Variants in TADA3 observed in about 807,000 individuals in gnomAD.
The protein encoded by TADA3 is transcriptional adaptor 3, also known as transcriptional adapter 3.
Under a neutral mutation model 43.2 loss-of-function variants are expected in TADA3, and 25 were observed. That is an observed-to-expected ratio of 0.58 (90% CI 0.42 to 0.81). The LOEUF (loss-of-function observed/expected upper bound fraction) is 0.81, where lower values mean the gene tolerates loss of function less well. TADA3 is among the 30% of genes least tolerant of loss of function. TADA3 has a pLI of 0.00. For missense variants in TADA3, 441 were observed against 567.8 expected (o/e 0.78, Z 2.27); for synonymous variants, 235 against 225.5 (o/e 1.04, Z -0.38).
At chr3:9,781,833 C>CTTTTTTTTTTTTTTTTT (rs35246642) in intron 8 of TADA3, among the ~76,000 whole-genome samples, 1 of 86,870 alleles carries the variant, frequency 1.2e-5, no homozygotes, top group Non-Finnish European at 2.1e-5. Context: ...CCCATTACTT[C>CTTTTTTTTTTTTTTTTT]TTTTTTTTTT....
chr3:9,792,514 A>AGTCAGCGAGGGCGAGCC, upstream of TADA3: 1 of 1,216,248 alleles, frequency 8.2e-7, no homozygotes, highest in Non-Finnish European at 1.0e-6. Flanking sequence ...GGGGGCGGGG[A>AGTCAGCGAGGGCGAGCC]GTCAGCGAGG....
At chr3:9,791,199 G>T in intron 2 of TADA3, 61 bp downstream of exon 2, 1 of 1,528,222 alleles carries the variant, frequency 6.5e-7, no homozygotes, top group South Asian at 1.2e-5. Flanking sequence ...CTAACTCAAT[G>T]ACCCATCCCA....
At chr3:9,788,190 T>C (rs1403481010) in intron 4 of TADA3, 1 of 155,376 alleles carries the variant, frequency 6.4e-6, no homozygotes, top group South Asian at 1.9e-4. Flanking sequence ...CTGTATTTTC[T>C]AAATTTTCTT....
chr3:9,792,368 G>A lies in TADA3; in HGVS notation c.-180C>T, dbSNP rs1013205168. The A allele has an allele frequency of 1.8e-5, 9 of 507,934 alleles. No homozygotes were observed. Among genetic ancestry groups the A allele is most frequent in the Non-Finnish European group, 2.1e-5 (8 of 385,590 alleles). The allele number at this position is 507,934 out of a possible 1,614,324, so 31.5% of individuals were successfully genotyped here. On this transcript the variant is annotated 5_prime_UTR_variant, in exon 1 of 9. Coordinates refer to ENST00000301964, the MANE Select transcript of TADA3 (RefSeq NM_006354.5). ...GTCCTCGTTCTCTAGGGACACCCTAGTGCGACCCCCGCCCCCTCTACCTCC... is the reference window on the plus strand; with the variant it reads ...GTCCTCGTTCTCTAGGGACACCCTAATGCGACCCCCGCCCCCTCTACCTCC...
At chr3:9,784,968 T>TATA (rs1315238134) in intron 7 of TADA3, among the ~76,000 whole-genome samples, 1 of 152,242 alleles carries the variant, frequency 6.6e-6, no homozygotes, top group African/African-American at 2.4e-5. Flanking sequence ...CTTGTCACTC[T>TATA]ATAATTTACA....
At position 9,787,234 on chromosome 3, in the gene TADA3, C is replaced by G. The variant is rs750851337; in HGVS notation, c.671G>C (p.Gly224Ala). The change falls in exon 5 of 9, where the codon GGC becomes GCC. Residue 224 changes from glycine to alanine, a missense_variant. Coordinates refer to ENST00000301964, the MANE Select transcript of TADA3 (RefSeq NM_006354.5). Reference protein sequence around the residue: ...RAAAVADKKKGLMGPLTELDT... With the variant: ...RAAAVADKKKALMGPLTELDT... The stretch of plus-strand genomic sequence containing the variant: ...CAGTTCGGTCAGTGGCCCCATGAGG[C>G]CTTTCTTCTTGTCAGCCACAGCCGC... 2 of 1,614,194 alleles carry G rather than the reference C, an allele frequency of 1.2e-6. No homozygotes were observed. The highest frequency in any genetic ancestry group is 3.3e-5 in the Admixed American group (2 of 60,032).
Position 9,789,566 on chromosome 3 carries a change from C to T in TADA3, c.507G>A (p.Glu169=). 1.2e-6 allele frequency: 2 copies of T among 1,614,180 alleles called. No individual in the cohort carries two copies. The highest frequency in any genetic ancestry group is 1.1e-5 in the South Asian group (1 of 91,084). Reference sequence around the variant, plus strand: ...TCAGTAACTCCTCAAGTGTGCGGACCTCCTCGCTGGTGATGTCAGCACAGT... The same window carrying T: ...TCAGTAACTCCTCAAGTGTGCGGACTTCCTCGCTGGTGATGTCAGCACAGT... ...EPYCADITSE[E]VRTLEELLKP... Residue 169 remains glutamate, a synonymous_variant, in exon 4 of 9, where the codon GAG becomes GAA. Transcript: ENST00000301964.
In TADA3 at chr3:9,791,265, T is replaced by C; in HGVS notation, c.202A>G (p.Thr68Ala). 1 of 1,611,532 alleles carries C rather than the reference T, an allele frequency of 6.2e-7. No individual in the cohort carries two copies. Among genetic ancestry groups the C allele is most frequent in the East Asian group, 2.2e-5 (1 of 44,884 alleles). The change falls in exon 2 of 9, where the codon ACC (threonine) becomes GCC (alanine). Residue 68 changes from threonine (T) to alanine (A), a missense_variant. Physicochemically the swap from Thr to Ala is moderately conservative, Grantham distance 58 (BLOSUM62 0). Transcript: ENST00000301964. The part of the protein sequence containing the change: ...SRRLRVLEAE[T>A]QILTDWQDKK... ...CCCCTCTCTGGGGTTATCACCTGGGTTTCGGCCTCAAGCACACGCAGGCGC... is the reference window on the plus strand; with the variant it reads ...CCCCTCTCTGGGGTTATCACCTGGGCTTCGGCCTCAAGCACACGCAGGCGC...
chr3:9,790,595 T>C (rs1163001267), intron 2 of TADA3, among the ~76,000 whole-genome samples: 1 of 152,236 alleles, frequency 6.6e-6, no homozygotes, highest in African/African-American at 2.4e-5. Flanking sequence ...GCATAGCGCC[T>C]GGCACACAAG....
intron 4 of TADA3, chr3:9,788,109 T>A: frequency 4.6e-6 from 1 of 218,778 alleles, no homozygotes; most frequent in South Asian, 6.7e-5. Context: ...AAGGCCTGGA[T>A]GCAGCGCCAT....
intron 4 of TADA3, chr3:9,787,985 G>A: frequency 3.1e-6 from 1 of 325,500 alleles, no homozygotes; most frequent in East Asian, 8.0e-5. Context: ...TGGTGGGACT[G>A]GTCAACACGG....
upstream of TADA3, chr3:9,792,505 GGGGC>G: frequency 8.2e-7 from 1 of 1,217,788 alleles, no homozygotes; most frequent in Non-Finnish European, 1.0e-6. Context: ...AGTTGACGCG[GGGGC>G]GGGGAGTCAG....
intron 4 of TADA3, chr3:9,787,829 AAGAGTGCTTTGGTGGAG>A: frequency 1.3e-6 from 1 of 745,254 alleles, no homozygotes. Flanking sequence ...GGGAATCTGA[AAGAGTGCTTTGGTGGAG>A]GTAACATGAG....
chr3:9,784,006 T>C, intron 8 of TADA3, 22 bp downstream of exon 8: 4 of 1,605,094 alleles, frequency 2.5e-6, no homozygotes, highest in South Asian at 1.1e-5. Context: ...CCCCCGGGAC[T>C]GTGCATCCTG....
intron 4 of TADA3, chr3:9,787,762 AGAG>A: frequency 8.1e-7 from 1 of 1,238,410 alleles, no homozygotes; most frequent in Non-Finnish European, 1.1e-6. Flanking sequence ...GTGAAGTGAA[AGAG>A]AGAGATCAAA....
In TADA3 at chr3:9,787,907, G is replaced by A. The variant is rs570604449; in HGVS notation, c.565-567C>T. ...GTCTGTCAAGGAGACAAGAGGGAGA[G>A]AAGAGCTTGCCAGAGGCCCAGAGAC... is the stretch of plus-strand genomic sequence containing the variant. On this transcript the variant is annotated intron_variant, in intron 4 of 8. Transcript: ENST00000301964. The A allele has an allele frequency of 1.1e-3, 401 of 374,788 alleles. 3 individuals are homozygous for A. Among genetic ancestry groups the A allele is most frequent in the Admixed American group, 9.8e-3 (264 of 27,024 alleles). 23.2% of individuals were successfully genotyped at this position (374,788 alleles called of 1,614,324 possible). A position where few individuals can be genotyped will look rare whatever the true frequency, so the allele number is the denominator to read the frequency against.
chr3:9,781,609 G>C (rs904303572), intron 8 of TADA3: 1 of 455,858 alleles, frequency 2.2e-6, no homozygotes, highest in African/African-American at 2.0e-5. Flanking sequence ...AGGTGGGTGA[G>C]ACACCAGATC....
At chr3:9,791,807 G>A (rs1045190423) in intron 1 of TADA3, among the ~76,000 whole-genome samples, 1 of 151,396 alleles carries the variant, frequency 6.6e-6, no homozygotes, top group African/African-American at 2.4e-5. Flanking sequence ...TTTGAACCCC[G>A]CTAGTCTTGA....
chr3:9,784,306 C>T, intron 7 of TADA3, 93 bp from the exon 8 acceptor site: 1 of 1,462,902 alleles, frequency 6.8e-7, no homozygotes, highest in South Asian at 1.4e-5. Context: ...TCAGTGAAAA[C>T]CTGCCTTTCC....
Sources: allele counts gnomAD v4.1 joint callset (sites outside exome capture counted in the v4.1 genomes callset), GRCh38; gene constraint gnomAD v4.1.1; transcripts MANE v1.5; gene names NCBI Gene and HGNC (gene_info 2026-07-23, HGNC 2026-07-21).